Variants in ANKMY1 observed in about 807,000 individuals in gnomAD.
ANKMY1 encodes the protein ankyrin repeat and MYND domain containing 1, also known as ankyrin repeat and MYND domain-containing protein 1.
In ANKMY1, 98 loss-of-function variants were observed where a neutral mutation model predicts 102.0. That is an observed-to-expected ratio of 0.96 (90% CI 0.82 to 1.14). ANKMY1 has a LOEUF of 1.14. Ranked by LOEUF, ANKMY1 falls within the 50% of genes most tolerant of loss-of-function variation. The pLI is 0.00. For missense variants in ANKMY1, 1,330 were observed against 1,347.6 expected, an observed-to-expected ratio of 0.99 and a Z score of 0.20; for synonymous variants, 582 against 559.9, an observed-to-expected ratio of 1.04 and a Z score of -0.56.
chr2:240,482,368 G>A lies in ANKMY1; in HGVS notation c.2807-107C>T, dbSNP rs113913655. Reference sequence around the variant, plus strand: ...CCTGTGGTGCCTGCCTGCACTACTCGGGAGGCGGATAGGGGGAAGCAAGCC... The same window carrying A: ...CCTGTGGTGCCTGCCTGCACTACTCAGGAGGCGGATAGGGGGAAGCAAGCC... On this transcript the variant is annotated intron_variant, in intron 15 of 17. Coordinates refer to ENST00000401804, the MANE Select transcript of ANKMY1 (RefSeq NM_001282771.3). 9.2e-4 allele frequency: 906 copies of A among 988,572 alleles called. 2 individuals are homozygous for A. Among genetic ancestry groups the A allele is most frequent in the Admixed American group, 1.8e-3 (66 of 36,592 alleles). The allele number at this position is 988,572 out of a possible 1,614,324, so 61.2% of individuals were successfully genotyped here.
intron 4 of ANKMY1, among the ~76,000 whole-genome samples, chr2:240,539,148 C>T (rs1247213911): frequency 1.2e-4 from 18 of 151,446 alleles, no homozygotes; most frequent in Non-Finnish European, 2.9e-5. Context: ...AAGCTTTGTT[C>T]TTTCGCTCTT....
At chr2:240,505,253 G>A (rs1312656633) in intron 13 of ANKMY1, among the ~76,000 whole-genome samples, 1 of 151,900 alleles carries the variant, frequency 6.6e-6, no homozygotes, top group Non-Finnish European at 1.5e-5. Flanking sequence ...CCTGAGGTCA[G>A]GAGTTCAAGA....
In ANKMY1 at chr2:240,511,879, C is replaced by A; in HGVS notation, c.2268G>T (p.Glu756Asp). Residue 756 changes from glutamate to aspartate, a missense_variant, in exon 11 of 18, where the codon GAG becomes GAT. By Grantham distance (45) the Glu-to-Asp change is conservative (BLOSUM62 2). Coordinates refer to ENST00000401804, the MANE Select transcript of ANKMY1 (RefSeq NM_001282771.3). ...CCCTCACCTTGTTGTCATCCTCCCG[C>A]TCGCAGGCCATGTGCAGAGCCGTCC... ...GGRTALHMAC[E>D]REDDNKCARD... 1 of 1,591,070 alleles carries A rather than the reference C, an allele frequency of 6.3e-7. No homozygotes were observed. The highest frequency in any genetic ancestry group is 1.7e-5 in the Admixed American group (1 of 58,852).
rs545729927 is a variant in ANKMY1, at chr2:240,499,173, C to T, written c.2806+785G>A. Among the ~76,000 whole-genome samples, 6 of 152,086 alleles carry T rather than the reference C, an allele frequency of 3.9e-5. No individual in the cohort carries two copies. Among genetic ancestry groups the T allele is most frequent in the South Asian group, 2.1e-4 (1 of 4,808 alleles). ...GCATGCTGAGGGCTCGGTGTGGGGG[C>T]GGGATCAGCAGGTTCCGGTGTGTGT... is the stretch of plus-strand genomic sequence containing the variant. On this transcript the variant is annotated intron_variant, in intron 15 of 17. Coordinates refer to ENST00000401804, the MANE Select transcript of ANKMY1 (RefSeq NM_001282771.3). This position sits in a 1 kb window ranked among gnomAD's most constrained non-coding sequence, Gnocchi z 4.2.
rs1203116643 is a variant in ANKMY1, at chr2:240,520,514, T to G, written c.1852A>C (p.Thr618Pro). 6.2e-7 allele frequency: 1 copy of G among 1,612,410 alleles called. No individual in the cohort carries two copies. The highest frequency in any genetic ancestry group is 1.3e-5 in the African/African-American group (1 of 75,020). Residue 618 changes from threonine (T) to proline (P), a missense_variant, in exon 9 of 18, where the codon ACC becomes CCC. Coordinates refer to ENST00000401804, the MANE Select transcript of ANKMY1 (RefSeq NM_001282771.3). The surrounding 1 kb of genome is among the most constrained non-coding windows in gnomAD (Gnocchi z 4.8). ...CCCCGGCGCAGCAGCAGCTTGATGG[T>G]CCGCCAGCGCTTCCTCCGCCTGAAA... is the stretch of plus-strand genomic sequence containing the variant. Reference protein sequence around the residue: ...SMIERRKRWRTIKLLLRRGAD... With the variant: ...SMIERRKRWRPIKLLLRRGAD...
At position 240,544,836 on chromosome 2, in the gene ANKMY1, C is replaced by T. The variant is rs577328549; in HGVS notation, c.480+8078G>A. 5.4e-4 allele frequency among the ~76,000 whole-genome samples: 82 copies of T among 152,372 alleles called. 1 individual carries two copies. The highest frequency in any genetic ancestry group is 2.0e-3 in the Admixed American group (31 of 15,306). ...AACGGCGCACCAGGAGATTACATCC[C>T]GCACCTGGCTCGGAGGGTCCTACGC... On this transcript the variant is annotated intron_variant, in intron 4 of 17. Transcript: ENST00000401804.
chr2:240,539,759 T>C (rs189029749), intron 4 of ANKMY1, among the ~76,000 whole-genome samples: 15 of 152,322 alleles, frequency 9.8e-5, no homozygotes, highest in South Asian at 4.1e-4. Flanking sequence ...GGCTGCACAT[T>C]GTGTGATTTC....
At chr2:240,538,846 T>G (rs1439560193) in intron 4 of ANKMY1, among the ~76,000 whole-genome samples, 1 of 152,210 alleles carries the variant, frequency 6.6e-6, no homozygotes, top group Non-Finnish European at 1.5e-5. Flanking sequence ...CAGCACTCTG[T>G]GTCTAGCTTG....
intron 4 of ANKMY1, among the ~76,000 whole-genome samples, chr2:240,535,212 C>T (rs547319493): frequency 6.6e-6 from 1 of 152,260 alleles, no homozygotes; most frequent in South Asian, 2.1e-4. Flanking sequence ...AGGCATGAGA[C>T]ATCAAACAAA....
At chr2:240,528,985 G>A in intron 5 of ANKMY1, 52 bp downstream of exon 5, 1 of 1,562,294 alleles carries the variant, frequency 6.4e-7, no homozygotes, top group African/African-American at 1.4e-5. Flanking sequence ...CCTGCCTAGG[G>A]CAGCCTGCAC....
chr2:240,479,747 G>A (rs912293048), intron 17 of ANKMY1, 92 bp from the exon 18 acceptor site: 42 of 1,137,576 alleles, frequency 3.7e-5, no homozygotes, highest in Non-Finnish European at 5.2e-5. Context: ...TGTGTGGGGC[G>A]GCTGAGGACT....
downstream of ANKMY1, among the ~76,000 whole-genome samples, chr2:240,476,505 T>A (rs1421355045): frequency 6.7e-6 from 1 of 149,028 alleles, no homozygotes; most frequent in East Asian, 2.1e-4. Context: ...AAAAAGCACA[T>A]GGTCACCGCA....
intron 9 of ANKMY1, among the ~76,000 whole-genome samples, chr2:240,514,990 G>T (rs1413080757): frequency 6.6e-6 from 1 of 152,226 alleles, no homozygotes; most frequent in East Asian, 1.9e-4. Flanking sequence ...CTGGGAGAAG[G>T]TGTCAATCAA....
intron 4 of ANKMY1, among the ~76,000 whole-genome samples, chr2:240,549,944 G>GGAAGTCAGT (rs1308257759): frequency 1.3e-5 from 2 of 151,868 alleles, no homozygotes; most frequent in Admixed American, 6.6e-5. Context: ...CAACCATTGT[G>GGAAGTCAGT]GAAGTCAGTG....
downstream of ANKMY1, among the ~76,000 whole-genome samples, chr2:240,479,151 C>T (rs779870359): frequency 9.9e-5 from 15 of 152,216 alleles, no homozygotes; most frequent in African/African-American, 1.9e-4. Context: ...CCAGTAGGAG[C>T]CTTGCACCCA....
At chr2:240,532,379 T>A (rs926090639) in intron 4 of ANKMY1, among the ~76,000 whole-genome samples, 5 of 152,188 alleles carry the variant, frequency 3.3e-5, no homozygotes, top group African/African-American at 1.2e-4. Flanking sequence ...ACTGACAGAA[T>A]ACCATCTTCA....
intron 13 of ANKMY1, among the ~76,000 whole-genome samples, chr2:240,502,646 G>A (rs1396440435): frequency 6.6e-6 from 1 of 151,780 alleles, no homozygotes; most frequent in African/African-American, 2.4e-5. Context: ...CCCTGGCCCT[G>A]GCTGCCCAGA....
At chr2:240,504,419 T>G (rs2078716267) in intron 13 of ANKMY1, among the ~76,000 whole-genome samples, 1 of 152,172 alleles carries the variant, frequency 6.6e-6, no homozygotes, top group African/African-American at 2.4e-5. Context: ...TCATGACGTT[T>G]CTTGGCTATG....
chr2:240,503,718 AT>A (rs2078600764), intron 13 of ANKMY1, among the ~76,000 whole-genome samples: 1 of 152,312 alleles, frequency 6.6e-6, no homozygotes, highest in East Asian at 1.9e-4. Context: ...CGCCGAAGCC[AT>A]GTGTGGTGGG....
Sources: allele counts gnomAD v4.1 joint callset (sites outside exome capture counted in the v4.1 genomes callset), GRCh38; gene constraint gnomAD v4.1.1; non-coding constraint Gnocchi (gnomAD v3.1); transcripts MANE v1.5; gene names NCBI Gene and HGNC (gene_info 2026-07-23, HGNC 2026-07-21).